The following KLHL14 variants were observed in gnomAD, a reference collection of about 807,000 sequenced individuals.
KLHL14 encodes kelch-like protein 14.
A neutral mutation model predicts 64.3 loss-of-function variants in KLHL14; 22 were observed. The observed-to-expected ratio is 0.34, with a 90% CI of 0.24 to 0.49. The LOEUF is 0.49. KLHL14 is among the 20% of genes least tolerant of loss of function. The pLI is 0.99. For missense variants in KLHL14, 661 were observed against 789.0 expected, an observed-to-expected ratio of 0.84 and a Z score of 1.94; for synonymous variants, 322 against 333.4, an observed-to-expected ratio of 0.97 and a Z score of 0.37.
At chr18:32,720,134 A>G (rs1396825841) in intron 3 of KLHL14, among the ~76,000 whole-genome samples, 1 of 152,242 alleles carries the variant, frequency 6.6e-6, no homozygotes, top group Non-Finnish European at 1.5e-5. Context: ...GTCTGCATGT[A>G]TTAGCAAAAA....
chr18:32,697,226 G>A (rs1273737110), intron 3 of KLHL14, among the ~76,000 whole-genome samples: 1 of 152,218 alleles, frequency 6.6e-6, no homozygotes, highest in Non-Finnish European at 1.5e-5. Context: ...GGCTCATTGA[G>A]CAACAGAGGT....
At chr18:32,760,696 T>A (rs561761795) in intron 2 of KLHL14, among the ~76,000 whole-genome samples, 4 of 152,110 alleles carry the variant, frequency 2.6e-5, no homozygotes, top group Admixed American at 2.6e-4. Context: ...GACATATGCA[T>A]GTGAAAGGCT....
At chr18:32,755,333 T>A (rs2050276286) in intron 2 of KLHL14, among the ~76,000 whole-genome samples, 2 of 152,194 alleles carry the variant, frequency 1.3e-5, no homozygotes, top group Admixed American at 6.5e-5. Flanking sequence ...CAAATTATTC[T>A]GAAAAGTTTA....
intron 2 of KLHL14, among the ~76,000 whole-genome samples, chr18:32,758,830 A>C (rs1471585391): frequency 1.3e-5 from 2 of 152,188 alleles, no homozygotes; most frequent in African/African-American, 4.8e-5. Flanking sequence ...GAAGCCATTC[A>C]AAAAAACCCA....
At chr18:32,706,624 A>G (rs2049991908) in intron 3 of KLHL14, among the ~76,000 whole-genome samples, 1 of 152,196 alleles carries the variant, frequency 6.6e-6, no homozygotes, top group African/African-American at 2.4e-5. Context: ...GGACTTGATA[A>G]CTTGGTCCCT....
chr18:32,713,382 C>T (rs2050030046), intron 3 of KLHL14, among the ~76,000 whole-genome samples: 1 of 152,266 alleles, frequency 6.6e-6, no homozygotes, highest in African/African-American at 2.4e-5. Flanking sequence ...TTGCTCAGGA[C>T]AAAAGCCTTG....
At chr18:32,731,433 G>A (rs748087548) in intron 3 of KLHL14, among the ~76,000 whole-genome samples, 26 of 150,180 alleles carry the variant, frequency 1.7e-4, no homozygotes, top group Non-Finnish European at 3.4e-4. Context: ...GGAGCTAAAT[G>A]ATAAAAACTT....
chr18:32,772,229 C>A (rs1040203190), intron 1 of KLHL14: 1 of 399,480 alleles, frequency 2.5e-6, no homozygotes, highest in Admixed American at 2.7e-5. Context: ...CCTGGATCGC[C>A]GGCTTCCTAT....
Position 32,747,281 on chromosome 18 carries a change from A to G in KLHL14, c.948-5232T>C, listed in dbSNP as rs2050228446. Among the ~76,000 whole-genome samples the G allele has an allele frequency of 2.6e-5, 4 of 152,210 alleles. No individual in the cohort carries two copies. In the South Asian group the frequency reaches 8.3e-4, roughly 32 times the overall value. On this transcript the variant is annotated intron_variant, in intron 2 of 8. Transcript: ENST00000359358. Reference sequence around the variant, plus strand: ...GAGGGATGGTTTCAGGATGATTCAAATGCAGTACATTTATTGTGCACTTTA... The same window carrying G: ...GAGGGATGGTTTCAGGATGATTCAAGTGCAGTACATTTATTGTGCACTTTA...
chr18:32,769,967 G>T lies in KLHL14; in HGVS notation c.625C>A (p.Leu209Met). Residue 209 changes from leucine to methionine, a missense_variant, in exon 2 of 9, where the codon CTG becomes ATG. Physicochemically the swap from Leu to Met is conservative, Grantham distance 15. Around this residue, in one of 2 missense-constraint regions of KLHL14, gnomAD observed 331 missense variants for 339.0 expected, o/e 0.98. Transcript: ENST00000359358. ...TTGAGCAGCAGCACATCCTCCACCA[G>T]GTACTTGTTGGCCAGCTTCTTGGTC... ...EETKKLANKY[L>M]VEDVLLLNFE... The T allele has an allele frequency of 1.2e-6, 2 of 1,614,230 alleles. No homozygotes were observed. The highest frequency in any genetic ancestry group is 1.7e-6 in the Non-Finnish European group (2 of 1,180,044).
intron 4 of KLHL14, among the ~76,000 whole-genome samples, chr18:32,695,042 C>T (rs947724814): frequency 6.6e-6 from 1 of 152,058 alleles, no homozygotes; most frequent in African/African-American, 2.4e-5. Context: ...AAATTATGTG[C>T]GGCATGACTG....
chr18:32,769,183 G>A (rs8084642), intron 2 of KLHL14, among the ~76,000 whole-genome samples: 49,251 of 151,962 alleles, frequency 0.32, 8,343 homozygotes, highest in South Asian at 0.44. Flanking sequence ...TGCAAGCATC[G>A]CCTGGGCTCT....
chr18:32,770,007 C>T lies in KLHL14; in HGVS notation c.585G>A (p.Leu195=). The T allele has an allele frequency of 6.2e-7, 1 of 1,614,212 alleles. No homozygotes were observed. Among genetic ancestry groups the T allele is most frequent in the South Asian group, 1.1e-5 (1 of 91,082 alleles). ...GCTTCTTGGTCTCCTCCAGGCCGTG[C>T]AGCGCGGCGATCTTGCACACCTGCT... ...NYKQVCKIAA[L]HGLEETKKLA... The change falls in exon 2 of 9, where the codon CTG becomes CTA. Residue 195 remains leucine (L), a synonymous_variant. Coordinates refer to ENST00000359358, the MANE Select transcript of KLHL14 (RefSeq NM_020805.3). The surrounding 1 kb of genome is among the most constrained non-coding windows in gnomAD (Gnocchi z 6.7).
chr18:32,750,050 A>AGGAGAGCACAC (rs1179817760), intron 2 of KLHL14, among the ~76,000 whole-genome samples: 18 of 151,380 alleles, frequency 1.2e-4, no homozygotes, highest in Non-Finnish European at 2.5e-4. Flanking sequence ...AGAGAGAGAG[A>AGGAGAGCACAC]GGAGAGCACA....
intron 4 of KLHL14, among the ~76,000 whole-genome samples, chr18:32,690,225 A>G (rs927106915): frequency 6.6e-6 from 1 of 152,208 alleles, no homozygotes; most frequent in African/African-American, 2.4e-5. Context: ...CATTACCGGC[A>G]AAACAGTGGA....
intron 3 of KLHL14, among the ~76,000 whole-genome samples, chr18:32,735,494 G>A (rs917192539): frequency 3.9e-5 from 6 of 152,036 alleles, no homozygotes; most frequent in East Asian, 1.9e-4. Context: ...GTTCAGCCAC[G>A]CACCTTCTTT....
intron 3 of KLHL14, among the ~76,000 whole-genome samples, chr18:32,695,978 T>C (rs988863081): frequency 6.6e-6 from 1 of 152,154 alleles, no homozygotes; most frequent in African/African-American, 2.4e-5. Context: ...CCAACGTGGT[T>C]TGCTGGCAAT....
At chr18:32,677,985 A>G (rs1270619383) in intron 7 of KLHL14, among the ~76,000 whole-genome samples, 2 of 152,168 alleles carry the variant, frequency 1.3e-5, no homozygotes, top group Admixed American at 1.3e-4. Context: ...CCTTTTCCAC[A>G]ATTTGACTAT....
At chr18:32,724,200 C>T (rs2050094514) in intron 3 of KLHL14, among the ~76,000 whole-genome samples, 1 of 152,150 alleles carries the variant, frequency 6.6e-6, no homozygotes, top group Non-Finnish European at 1.5e-5. Context: ...GTGACCTTGA[C>T]AGGTCACTTA....
Sources: gnomAD v4.1 joint callset for allele counts (sites outside exome capture counted in the v4.1 genomes callset) on GRCh38, gnomAD v4.1.1 for gene constraint, gnomAD v4.1.1 regional missense constraint, Gnocchi (gnomAD v3.1) non-coding constraint, MANE v1.5 for transcripts, NCBI Gene and HGNC (gene_info 2026-07-23, HGNC 2026-07-21) for gene names.